Variants in MTMR1 observed in about 807,000 individuals in gnomAD.
MTMR1 encodes the protein phosphatidylinositol-3-phosphate phosphatase MTMR1.
MTMR1 carries 17 observed loss-of-function variants against 51.6 expected under a neutral mutation model. The observed-to-expected ratio is 0.33, with a 90% CI of 0.23 to 0.49. The LOEUF (loss-of-function observed/expected upper bound fraction) is 0.49, where lower values mean the gene tolerates loss of function less well. Among genes scored for constraint, MTMR1 ranks in the 20% least tolerant of loss-of-function variants. The probability of loss-of-function intolerance (pLI) is 0.99; values close to 1 mark genes in which losing one functional copy is unlikely to be tolerated. For synonymous variants in MTMR1, 201 were observed against 205.6 expected (o/e 0.98, Z 0.19); for missense variants, 386 against 526.9 (o/e 0.73, Z 2.62).
At chrX:150,738,841 A>G (rs1191093626) in intron 12 of MTMR1, among the ~76,000 whole-genome samples, 2 of 111,928 alleles carry the variant, frequency 1.8e-5, no homozygotes, top group African/African-American at 6.5e-5. Context: ...GTCACCCTAT[A>G]ACAACTTGCT....
In MTMR1 at chrX:150,759,343, A is replaced by T. The variant is rs781995874; in HGVS notation, c.1858-3222A>T. Reference sequence around the variant, plus strand: ...GATGGGCTACAGAGTGTCAGAAGTCACTATGTTACTGAAATCACATAGGGT... The same window carrying T: ...GATGGGCTACAGAGTGTCAGAAGTCTCTATGTTACTGAAATCACATAGGGT... On this transcript the variant is annotated intron_variant, in intron 15 of 15. Transcript: ENST00000445323. Among the ~76,000 whole-genome samples, 10 of 112,291 alleles carry T rather than the reference A, an allele frequency of 8.9e-5. No individual in the cohort carries two copies. The East Asian group carries it at 2.8e-3, about 31-fold the overall frequency.
chrX:150,747,356 G>A (rs1187526762), intron 13 of MTMR1, among the ~76,000 whole-genome samples: 9 of 111,070 alleles, frequency 8.1e-5, no homozygotes, highest in African/African-American at 2.9e-4. Context: ...TCGGGCGGCT[G>A]AGGCAGGAGG....
intron 14 of MTMR1, among the ~76,000 whole-genome samples, chrX:150,752,624 G>GTTTTTTTTTTT (rs782406235): frequency 1.7e-5 from 1 of 57,468 alleles, no homozygotes; most frequent in Non-Finnish European, 3.0e-5. Context: ...GCTTTATCTT[G>GTTTTTTTTTTT]TTTTTTTTTT....
rs1421048606 is a variant in MTMR1, at chrX:150,764,527, T to C, written c.*1798T>C. 9.0e-6 allele frequency: 1 copy of C among 111,491 alleles called. No homozygotes were observed. Among genetic ancestry groups the C allele is most frequent in the African/African-American group, 3.3e-5 (1 of 30,558 alleles). The allele number at this position is 111,491 out of a possible 1,213,427, so 9.2% of individuals were successfully genotyped here. ...TTCTTCCCAGAAATATGTAATCCCC[T>C]GGCTGACTAGGACTGTTAAACATAG... is the stretch of plus-strand genomic sequence containing the variant. On this transcript the variant is annotated 3_prime_UTR_variant, in exon 16 of 16. Coordinates refer to ENST00000445323, the MANE Select transcript of MTMR1 (RefSeq NM_001306144.3).
intron 3 of MTMR1, among the ~76,000 whole-genome samples, chrX:150,713,428 T>C (rs1373865190): frequency 8.9e-6 from 1 of 112,150 alleles, no homozygotes; most frequent in East Asian, 2.8e-4. Flanking sequence ...TGATAAAATA[T>C]AAAAGTACAT....
rs200532326 is a variant in MTMR1, at chrX:150,765,061, TAAC to T, written c.*2333_*2335del. On this transcript the variant is annotated 3_prime_UTR_variant, in exon 16 of 16. Coordinates refer to ENST00000445323, the MANE Select transcript of MTMR1 (RefSeq NM_001306144.3). ...TTAATATATGATGATGTAAAGTAAC[TAAC>T]TTTATGTGATTTAATTCATTCAGTA... 1.0e-5 allele frequency: 1 copy of T among 97,230 alleles called. No homozygotes were observed. Among genetic ancestry groups the T allele is most frequent in the Non-Finnish European group, 2.3e-5 (1 of 43,677 alleles). 8.0% of individuals were successfully genotyped at this position (97,230 alleles called of 1,213,427 possible).
In MTMR1 at chrX:150,699,315, G is replaced by C; in HGVS notation, c.252+15G>C. 9.1e-7 allele frequency: 1 copy of C among 1,097,292 alleles called. No homozygotes were observed. Among genetic ancestry groups the C allele is most frequent in the Non-Finnish European group, 1.2e-6 (1 of 802,702 alleles). The allele number at this position is 1,097,292 out of a possible 1,213,427, so 90.4% of individuals were successfully genotyped here. A position where few individuals can be genotyped will look rare whatever the true frequency, so the allele number is the denominator to read the frequency against. On this transcript the variant is annotated intron_variant, in intron 2 of 15. Coordinates refer to ENST00000445323, the MANE Select transcript of MTMR1 (RefSeq NM_001306144.3). ...GAGATTACAAGGTAAGCAACATTGA[G>C]TGTTTAATTCATTTTCAGTATGCTA...
chrX:150,729,100 A>G (rs1372631987), intron 6 of MTMR1, among the ~76,000 whole-genome samples: 1 of 110,291 alleles, frequency 9.1e-6, no homozygotes, highest in Non-Finnish European at 1.9e-5. Context: ...CTCTCCTTAC[A>G]AGACTGCTCT....
At chrX:150,695,908 CATG>C (rs2040654556) in intron 1 of MTMR1, among the ~76,000 whole-genome samples, 1 of 111,563 alleles carries the variant, frequency 9.0e-6, no homozygotes, top group Non-Finnish European at 1.9e-5. Flanking sequence ...AGTGACCCGA[CATG>C]GTGAGCATTC....
At chrX:150,731,311 C>T (rs1466551712) in intron 8 of MTMR1, among the ~76,000 whole-genome samples, 159 bp from the exon 9 acceptor site, 2 of 111,668 alleles carry the variant, frequency 1.8e-5, no homozygotes, top group African/African-American at 6.5e-5. Flanking sequence ...ATGGGTTTTA[C>T]CGAATAAATA....
intron 3 of MTMR1, among the ~76,000 whole-genome samples, chrX:150,716,922 C>T (rs1363673036): frequency 8.9e-6 from 1 of 112,070 alleles, no homozygotes; most frequent in African/African-American, 3.2e-5. Flanking sequence ...ATTATTCGAC[C>T]TATTTTCCAC....
Position 150,736,690 on chromosome X carries a change from A to G in MTMR1, c.1176A>G (p.Leu392=). The G allele has an allele frequency of 6.6e-6, 8 of 1,211,652 alleles. No homozygotes were observed. Among genetic ancestry groups the G allele is most frequent in the Non-Finnish European group, 8.9e-6 (8 of 895,211 alleles). The part of the protein sequence containing the change: ...IHNIHVMRES[L]RKLKEIVYPS... Reference sequence around the variant, plus strand: ...ACATTCATGTCATGCGAGAGTCACTACGCAAATTAAAAGAGATTGTGTACC... The same window carrying G: ...ACATTCATGTCATGCGAGAGTCACTGCGCAAATTAAAAGAGATTGTGTACC... Residue 392 remains leucine (L), a synonymous_variant, in exon 11 of 16, where the codon CTA becomes CTG. Coordinates refer to ENST00000445323, the MANE Select transcript of MTMR1 (RefSeq NM_001306144.3).
At chrX:150,733,043 C>T (rs1463192094) in intron 10 of MTMR1, among the ~76,000 whole-genome samples, 1 of 112,150 alleles carries the variant, frequency 8.9e-6, no homozygotes, top group Non-Finnish European at 1.9e-5. Context: ...CTTGGAAGTC[C>T]GTTTAAGGAA....
At chrX:150,723,195 A>C (rs781927669) in intron 4 of MTMR1, among the ~76,000 whole-genome samples, 1 of 111,091 alleles carries the variant, frequency 9.0e-6, no homozygotes, top group Non-Finnish European at 1.9e-5. Flanking sequence ...TCCTTTTTTT[A>C]TGGCTGCATA....
At chrX:150,738,431 C>T (rs1478785676) in intron 12 of MTMR1, among the ~76,000 whole-genome samples, 5 of 112,116 alleles carry the variant, frequency 4.5e-5, no homozygotes, top group African/African-American at 6.5e-5. Flanking sequence ...AAGAATACTG[C>T]GTGAATGTTA....
At chrX:150,753,102 G>A (rs1001445616) in intron 14 of MTMR1, among the ~76,000 whole-genome samples, 2 of 111,932 alleles carry the variant, frequency 1.8e-5, no homozygotes, top group African/African-American at 6.5e-5. Flanking sequence ...TTATACAATA[G>A]GTGAACTTAT....
chrX:150,730,231 C>CT, intron 7 of MTMR1, 21 bp downstream of exon 7: 2 of 1,067,056 alleles, frequency 1.9e-6, no homozygotes, highest in Non-Finnish European at 2.6e-6. Flanking sequence ...CAGAGTAAAC[C>CT]TTTTCTGCAT....
chrX:150,741,942 C>T (rs781875102), intron 12 of MTMR1, among the ~76,000 whole-genome samples: 2 of 112,555 alleles, frequency 1.8e-5, no homozygotes, highest in South Asian at 3.6e-4. Context: ...CTGACAATTC[C>T]GCTGATGGGT....
rs1408729861 is a variant in MTMR1, at chrX:150,726,149, G to C, written c.353-1066G>C. Reference sequence around the variant, plus strand: ...ATCGCCTGAGCTCCGTCTCCTGTCGGATCAGCGGTGGCATTAGATTCTCAC... The same window carrying C: ...ATCGCCTGAGCTCCGTCTCCTGTCGCATCAGCGGTGGCATTAGATTCTCAC... On this transcript the variant is annotated intron_variant, in intron 4 of 15. Coordinates refer to ENST00000445323, the MANE Select transcript of MTMR1 (RefSeq NM_001306144.3). Among the ~76,000 whole-genome samples, 4 of 111,653 alleles carry C rather than the reference G, an allele frequency of 3.6e-5. No individual in the cohort carries two copies. The Admixed American group carries it at 3.8e-4, about 11-fold the overall frequency.
Sources: gnomAD v4.1 joint callset for allele counts (sites outside exome capture counted in the v4.1 genomes callset) on GRCh38, gnomAD v4.1.1 for gene constraint, MANE v1.5 for transcripts, NCBI Gene and HGNC (gene_info 2026-07-23, HGNC 2026-07-21) for gene names.